Variants in LRP1B observed in about 807,000 individuals in gnomAD.
The protein encoded by LRP1B is low-density lipoprotein receptor-related protein 1B.
Under a neutral mutation model 556.6 loss-of-function variants are expected in LRP1B, and 217 were observed. The ratio of observed to expected loss-of-function variants is 0.39; its 90% CI spans 0.35 to 0.44. The LOEUF (loss-of-function observed/expected upper bound fraction) is 0.44. LRP1B is among the 20% of genes least tolerant of loss of function. The pLI, the probability that LRP1B is intolerant of heterozygous loss-of-function variation, is 1.00. For missense variants in LRP1B, 5,053 were observed against 5,620.8 expected, an observed-to-expected ratio of 0.90 and a Z score of 3.23; for synonymous variants, 2,047 against 1,865.8, an observed-to-expected ratio of 1.10 and a Z score of -2.50.
rs570408526 is a variant in LRP1B, at chr2:140,333,833, G to C, written c.12223+620C>G. Among the ~76,000 whole-genome samples, 4 of 151,962 alleles carry C rather than the reference G, an allele frequency of 2.6e-5. No homozygotes were observed. In the East Asian group the frequency reaches 5.9e-4, roughly 22 times the overall value. ...CAAAGGTTGGAAGGACATTCCAGAT[G>C]GGGGAGCTGGGAGAAAAATGGCATG... On this transcript the variant is annotated intron_variant, in intron 79 of 90. Transcript: ENST00000389484.
At chr2:142,072,399 C>T (rs1028766747) in intron 1 of LRP1B, among the ~76,000 whole-genome samples, 1 of 151,906 alleles carries the variant, frequency 6.6e-6, no homozygotes, top group South Asian at 2.1e-4. Context: ...GCTATGCTCT[C>T]TTAAAACTTA....
At chr2:140,534,876 A>T (rs1690879837) in intron 46 of LRP1B, among the ~76,000 whole-genome samples, 1 of 152,140 alleles carries the variant, frequency 6.6e-6, no homozygotes, top group Admixed American at 6.6e-5. Flanking sequence ...AAACCAAAAC[A>T]CAGAGAAGTG....
At chr2:141,147,307 T>G (rs548752872) in intron 7 of LRP1B, among the ~76,000 whole-genome samples, 1 of 152,166 alleles carries the variant, frequency 6.6e-6, no homozygotes, top group South Asian at 2.1e-4. Flanking sequence ...GAAAGCAGTC[T>G]ATCAAATTCT....
At chr2:140,566,838 C>A (rs1004737672) in intron 43 of LRP1B, among the ~76,000 whole-genome samples, 2 of 152,136 alleles carry the variant, frequency 1.3e-5, no homozygotes, top group African/African-American at 4.8e-5. Flanking sequence ...AAAGCAGCAG[C>A]CTGACTCCTA....
intron 32 of LRP1B, among the ~76,000 whole-genome samples, chr2:140,790,414 G>C (rs1362335063): frequency 6.6e-6 from 1 of 152,130 alleles, no homozygotes; most frequent in Non-Finnish European, 1.5e-5. Context: ...GCCAGAGCCT[G>C]GGCAGCTGTT....
At chr2:140,752,723 A>AT (rs547629395) in intron 35 of LRP1B, among the ~76,000 whole-genome samples, 13 of 152,122 alleles carry the variant, frequency 8.5e-5, no homozygotes, top group African/African-American at 3.1e-4. Flanking sequence ...AAATATACTT[A>AT]TTTTTTTCAA....
intron 13 of LRP1B, among the ~76,000 whole-genome samples, chr2:141,014,779 A>T (rs1340502470): frequency 6.6e-6 from 1 of 152,090 alleles, no homozygotes; most frequent in Non-Finnish European, 1.5e-5. Flanking sequence ...AAGCATAAAG[A>T]TTTATCTAGC....
rs973538480 is a variant in LRP1B at position 141,055,383 on chromosome 2, A to C, written c.1409-124T>G. ...AATCTTAGCAAAATTTTGTATACTC[A>C]ACTATTTAGCACCATAATCGAATGC... On this transcript the variant is annotated intron_variant, in intron 9 of 90. Coordinates refer to ENST00000389484, the MANE Select transcript of LRP1B (RefSeq NM_018557.3). The C allele has an allele frequency of 4.5e-6, 4 of 881,882 alleles. No individual in the cohort carries two copies. In the African/African-American group the frequency reaches 5.1e-5, roughly 11 times the overall value. The allele number at this position is 881,882 out of a possible 1,614,324, so 54.6% of individuals were successfully genotyped here.
intron 1 of LRP1B, among the ~76,000 whole-genome samples, chr2:141,984,507 T>A (rs1702129704): frequency 6.6e-6 from 1 of 151,934 alleles, no homozygotes; most frequent in Non-Finnish European, 1.5e-5. Flanking sequence ...GAAGGTATGA[T>A]TGAGGAAAAA....
At chr2:140,754,330 A>G (rs1688675186) in intron 35 of LRP1B, among the ~76,000 whole-genome samples, 1 of 152,182 alleles carries the variant, frequency 6.6e-6, no homozygotes, top group African/African-American at 2.4e-5. Flanking sequence ...AACTTCAAAG[A>G]CTGGTCTCAA....
chr2:142,110,789 T>C (rs1424240703), intron 1 of LRP1B, among the ~76,000 whole-genome samples: 6 of 152,188 alleles, frequency 3.9e-5, no homozygotes, highest in Non-Finnish European at 8.8e-5. Flanking sequence ...GAGTTCATCT[T>C]ATATTTACTG....
At chr2:141,876,737 T>G (rs946502930) in intron 1 of LRP1B, among the ~76,000 whole-genome samples, 1 of 151,932 alleles carries the variant, frequency 6.6e-6, no homozygotes, top group African/African-American at 2.4e-5. Flanking sequence ...ATAAGCAAGT[T>G]TCTTACGTTG....
chr2:140,588,054 C>G (rs965719347), intron 43 of LRP1B, among the ~76,000 whole-genome samples: 1 of 151,948 alleles, frequency 6.6e-6, no homozygotes, highest in African/African-American at 2.4e-5. Context: ...TAATATGCCA[C>G]AACAGATGGC....
chr2:141,217,028 C>G (rs561370142), intron 6 of LRP1B, among the ~76,000 whole-genome samples: 1 of 152,086 alleles, frequency 6.6e-6, no homozygotes, highest in Non-Finnish European at 1.5e-5. Flanking sequence ...AAGGCATAAT[C>G]GTATTTTGCA....
chr2:140,578,964 A>C (rs1422411306), intron 43 of LRP1B, among the ~76,000 whole-genome samples: 1 of 152,056 alleles, frequency 6.6e-6, no homozygotes, highest in Non-Finnish European at 1.5e-5. Flanking sequence ...TCTCAGCAAA[A>C]TACAGAAGTA....
At chr2:140,575,994 A>C (rs1434591058) in intron 43 of LRP1B, among the ~76,000 whole-genome samples, 2 of 152,134 alleles carry the variant, frequency 1.3e-5, no homozygotes, top group African/African-American at 4.8e-5. Context: ...CAGTCATTCA[A>C]AAAAGTATCA....
At chr2:141,791,981 C>G (rs146576643) in intron 2 of LRP1B, among the ~76,000 whole-genome samples, 2 of 151,898 alleles carry the variant, frequency 1.3e-5, no homozygotes, top group African/African-American at 4.8e-5. Context: ...GGTAAGTGCA[C>G]GTTTGGCAGT....
At chr2:141,785,655 C>A (rs1695407211) in intron 2 of LRP1B, among the ~76,000 whole-genome samples, 1 of 150,698 alleles carries the variant, frequency 6.6e-6, no homozygotes, top group African/African-American at 2.4e-5. Flanking sequence ...TTTTCCTTCA[C>A]ATCTAGTGTG....
Position 140,748,778 on chromosome 2 carries a change from GTATAT to G in LRP1B, c.5758+20430_5758+20434del, listed in dbSNP as rs1688451506. Among the ~76,000 whole-genome samples the G allele has an allele frequency of 4.9e-5, 3 of 61,330 alleles. 1 individual carries two copies. Among genetic ancestry groups the G allele is most frequent in the Non-Finnish European group, 1.1e-4 (3 of 26,216 alleles). The allele number at this position is 61,330 out of a possible 152,430, so 40.2% of individuals were successfully genotyped here. On this transcript the variant is annotated intron_variant, in intron 35 of 90. Coordinates refer to ENST00000389484, the MANE Select transcript of LRP1B (RefSeq NM_018557.3). ...TATATTATATACATGTATATAATATGTATATAATATATATTATATACATATTATAT... is the reference window on the plus strand; with the variant it reads ...TATATTATATACATGTATATAATATGAATATATATTATATACATATTATAT...
Sources: allele counts gnomAD v4.1 joint callset (sites outside exome capture counted in the v4.1 genomes callset), GRCh38; gene constraint gnomAD v4.1.1; transcripts MANE v1.5; gene names NCBI Gene and HGNC (gene_info 2026-07-23, HGNC 2026-07-21).